Variants in YWHAQ observed in about 807,000 individuals in gnomAD.
The protein encoded by YWHAQ is tyrosine 3-monooxygenase/tryptophan 5-monooxygenase activation protein theta, also known as 14-3-3 protein theta.
In YWHAQ, 6 loss-of-function variants were observed where a neutral mutation model predicts 28.3. The observed-to-expected ratio is 0.21, with a 90% CI of 0.12 to 0.42. The LOEUF (loss-of-function observed/expected upper bound fraction) is 0.42. YWHAQ is among the 10% of genes least tolerant of loss of function. The probability of loss-of-function intolerance (pLI) is 1.00; values close to 1 mark genes in which losing one functional copy is unlikely to be tolerated. For missense variants in YWHAQ, 201 were observed against 305.6 expected, an observed-to-expected ratio of 0.66 and a Z score of 2.55; for synonymous variants, 143 against 119.1, an observed-to-expected ratio of 1.20 and a Z score of -1.31.
intron 2 of YWHAQ, among the ~76,000 whole-genome samples, chr2:9,596,441 CTA>C (rs1289682830): frequency 6.6e-6 from 1 of 152,130 alleles, no homozygotes; most frequent in Non-Finnish European, 1.5e-5. Flanking sequence ...ATAAGCTACT[CTA>C]TTGAAGAAAG....
At chr2:9,609,937 T>A (rs1326122957) in intron 2 of YWHAQ, among the ~76,000 whole-genome samples, 2 of 152,098 alleles carry the variant, frequency 1.3e-5, no homozygotes, top group African/African-American at 2.4e-5. Context: ...GTATTAACAG[T>A]CCAAAATAAG....
chr2:9,614,146 A>G (rs16867080), intron 2 of YWHAQ, among the ~76,000 whole-genome samples: 1,957 of 152,322 alleles, frequency 0.013, 42 homozygotes, highest in African/African-American at 0.042. Context: ...AAAATGTTCT[A>G]CCTTCTGCTC....
At chr2:9,623,617 T>C (rs927103556) in intron 2 of YWHAQ, among the ~76,000 whole-genome samples, 1 of 152,144 alleles carries the variant, frequency 6.6e-6, no homozygotes, top group Non-Finnish European at 1.5e-5. Flanking sequence ...CTACTAAAAA[T>C]ACAAAATTAG....
At chr2:9,611,627 T>C (rs999595002) in intron 2 of YWHAQ, among the ~76,000 whole-genome samples, 3 of 152,218 alleles carry the variant, frequency 2.0e-5, no homozygotes, top group African/African-American at 7.2e-5. Context: ...TTAGTATCCT[T>C]ACATATTTTG....
intron 2 of YWHAQ, among the ~76,000 whole-genome samples, chr2:9,626,415 C>A (rs1342544180): frequency 1.3e-5 from 2 of 152,172 alleles, no homozygotes; most frequent in Admixed American, 1.3e-4. Context: ...AAACATCTTA[C>A]CTGTAATATT....
chr2:9,605,311 T>A (rs1666800691), intron 2 of YWHAQ, among the ~76,000 whole-genome samples: 1 of 151,900 alleles, frequency 6.6e-6, no homozygotes, highest in South Asian at 2.1e-4. Context: ...CTAATTTTTG[T>A]ATTTTTTTGT....
At chr2:9,615,299 GTTCA>G (rs1667021642) in intron 2 of YWHAQ, 1 of 151,536 alleles carries the variant, frequency 6.6e-6, no homozygotes. Flanking sequence ...TATCTTGATT[GTTCA>G]TTCAGTTACC....
Position 9,586,395 on chromosome 2 carries a change from T to A in YWHAQ, c.678+1019A>T, listed in dbSNP as rs954535813. ...GAAAAGCCAGAATCTTACATAATCC[T>A]TAGATTATTATGAAGATACTAAATA... On this transcript the variant is annotated intron_variant, in intron 5 of 5. Transcript: ENST00000238081. 3.9e-5 allele frequency among the ~76,000 whole-genome samples: 6 copies of A among 152,334 alleles called. No homozygotes were observed. In the South Asian group the frequency reaches 1.2e-3, roughly 32 times the overall value.
chr2:9,585,460 T>A (rs1041615467), intron 5 of YWHAQ, 115 bp from the exon 6 acceptor site: 39 of 1,175,352 alleles, frequency 3.3e-5, no homozygotes, highest in Non-Finnish European at 4.8e-5. Flanking sequence ...ACAATGGAGA[T>A]CTTGACTAAG....
At chr2:9,619,139 AT>A (rs1451326633) in intron 2 of YWHAQ, among the ~76,000 whole-genome samples, 1 of 152,202 alleles carries the variant, frequency 6.6e-6, no homozygotes, top group Non-Finnish European at 1.5e-5. Flanking sequence ...CAGTAGTTTC[AT>A]CAATAGCTAA....
At chr2:9,600,025 G>A (rs2125065808) in intron 2 of YWHAQ, among the ~76,000 whole-genome samples, 1 of 152,312 alleles carries the variant, frequency 6.6e-6, no homozygotes, top group East Asian at 1.9e-4. Flanking sequence ...CAGTTTGGAA[G>A]AAGCTGATTT....
At chr2:9,629,952 A>G (rs542147048) in intron 2 of YWHAQ, among the ~76,000 whole-genome samples, 3 of 151,778 alleles carry the variant, frequency 2.0e-5, no homozygotes, top group Admixed American at 6.6e-5. Context: ...ATCTGGGGCG[A>G]AAAAAAAGGA....
chr2:9,595,835 G>C (rs2125064452), intron 2 of YWHAQ, among the ~76,000 whole-genome samples: 1 of 152,198 alleles, frequency 6.6e-6, no homozygotes, highest in South Asian at 2.1e-4. Context: ...TATTATCTTG[G>C]GAGTTTTGGT....
intron 2 of YWHAQ, among the ~76,000 whole-genome samples, chr2:9,625,828 G>C (rs1238057912): frequency 6.6e-6 from 1 of 152,180 alleles, no homozygotes; most frequent in Non-Finnish European, 1.5e-5. Context: ...GAGAGTCTGA[G>C]GGATTAAGAA....
At chr2:9,597,875 A>G (rs2125065120) in intron 2 of YWHAQ, among the ~76,000 whole-genome samples, 1 of 151,240 alleles carries the variant, frequency 6.6e-6, no homozygotes, top group East Asian at 2.0e-4. Flanking sequence ...GCTGGAGTGC[A>G]ATGGCATGAT....
intron 2 of YWHAQ, among the ~76,000 whole-genome samples, chr2:9,616,984 A>T (rs1667052003): frequency 1.3e-5 from 2 of 152,124 alleles, no homozygotes; most frequent in Non-Finnish European, 2.9e-5. Flanking sequence ...ATTTGGAGAC[A>T]GAGTCTTACT....
chr2:9,606,294 G>T (rs548664616), intron 2 of YWHAQ, among the ~76,000 whole-genome samples: 17 of 152,302 alleles, frequency 1.1e-4, no homozygotes, highest in Admixed American at 4.6e-4. Context: ...GGCCAGGCTT[G>T]GTGGCTCATG....
chr2:9,630,478 C>T lies in YWHAQ; in HGVS notation c.-26G>A, dbSNP rs1443197542. Reference sequence around the variant, plus strand: ...GGCGGGCGCGGGGCCGGGGCCGGGGCGGAGGGCGAGGAGAGCGAGGGCGAG... The same window carrying T: ...GGCGGGCGCGGGGCCGGGGCCGGGGTGGAGGGCGAGGAGAGCGAGGGCGAG... On this transcript the variant is annotated 5_prime_UTR_variant, in exon 2 of 6. Transcript: ENST00000238081. The surrounding 1 kb of genome is among the most constrained non-coding windows in gnomAD (Gnocchi z 5.6). 1 of 1,567,020 alleles carries T rather than the reference C, an allele frequency of 6.4e-7. No individual in the cohort carries two copies. Among genetic ancestry groups the T allele is most frequent in the Non-Finnish European group, 8.6e-7 (1 of 1,160,556 alleles).
intron 2 of YWHAQ, among the ~76,000 whole-genome samples, chr2:9,627,903 CA>C (rs1230269712): frequency 4.6e-5 from 7 of 152,056 alleles, no homozygotes; most frequent in Non-Finnish European, 1.0e-4. Context: ...ACGTTCACCC[CA>C]AAAAAACGGT....
Sources: gnomAD v4.1 joint callset for allele counts (sites outside exome capture counted in the v4.1 genomes callset) on GRCh38, gnomAD v4.1.1 for gene constraint, Gnocchi (gnomAD v3.1) non-coding constraint, MANE v1.5 for transcripts, NCBI Gene and HGNC (gene_info 2026-07-23, HGNC 2026-07-21) for gene names.